DPP6: variants seen among roughly 807,000 people sequenced by gnomAD.
DPP6 encodes dipeptidyl peptidase like 6.
DPP6 carries 69 observed loss-of-function variants against 122.6 expected under a neutral mutation model. The ratio of observed to expected loss-of-function variants is 0.56; its 90% CI spans 0.46 to 0.69. The LOEUF (loss-of-function observed/expected upper bound fraction) is 0.69, where lower values mean the gene tolerates loss of function less well. Among genes scored for constraint, DPP6 ranks in the 30% least tolerant of loss-of-function variants. The probability of loss-of-function intolerance (pLI) is 0.00; values close to 1 mark genes in which losing one functional copy is unlikely to be tolerated. For missense variants in DPP6, 928 were observed against 1,116.9 expected (o/e 0.83, Z 2.41); for synonymous variants, 418 against 433.1 (o/e 0.97, Z 0.43).
intron 2 of DPP6, among the ~76,000 whole-genome samples, chr7:154,456,077 G>C (rs1820802657): frequency 6.6e-6 from 1 of 152,172 alleles, no homozygotes; most frequent in South Asian, 2.1e-4. Context: ...ACCATACCAT[G>C]TCAGGGTCAG....
At chr7:154,654,312 C>G (rs761425003) in intron 6 of DPP6, among the ~76,000 whole-genome samples, 6 of 151,808 alleles carry the variant, frequency 4.0e-5, no homozygotes, top group Non-Finnish European at 8.8e-5. Context: ...GAGAGGGAAT[C>G]TGTCACATCT....
intron 7 of DPP6, among the ~76,000 whole-genome samples, chr7:154,682,540 T>C (rs1199911983): frequency 6.6e-6 from 1 of 152,192 alleles, no homozygotes; most frequent in African/African-American, 2.4e-5. Flanking sequence ...ATTGTCTGGG[T>C]TGTTAAACGT....
In DPP6 at chr7:154,062,885, T is replaced by C. The variant is rs1180328862; in HGVS notation, c.243+9822T>C. On this transcript the variant is annotated intron_variant, in intron 1 of 25. Transcript: ENST00000377770. ...CTCCCCCAGCTTAGGACCCCCATCG[T>C]TGATCCTAAGATCCTTAGGACCCAC... Among the ~76,000 whole-genome samples, 9 of 131,956 alleles carry C rather than the reference T, an allele frequency of 6.8e-5. 1 individual carries two copies. In the East Asian group the frequency reaches 1.2e-3, roughly 17 times the overall value. The allele number at this position is 131,956 out of a possible 152,430, so 86.6% of individuals were successfully genotyped here. A position where few individuals can be genotyped will look rare whatever the true frequency, so the allele number is the denominator to read the frequency against.
At chr7:154,704,432 G>T (rs1348126446) in intron 7 of DPP6, among the ~76,000 whole-genome samples, 1 of 152,240 alleles carries the variant, frequency 6.6e-6, no homozygotes, top group Non-Finnish European at 1.5e-5. Context: ...TGAAAGGACT[G>T]ACTTCAATTT....
intron 16 of DPP6, among the ~76,000 whole-genome samples, chr7:154,829,249 G>T (rs1175727705): frequency 6.6e-6 from 1 of 151,792 alleles, no homozygotes; most frequent in Non-Finnish European, 1.5e-5. Flanking sequence ...TGGCCATGGT[G>T]TCATGCACCC....
In DPP6 at chr7:154,199,605, CT is replaced by C. The variant is rs1016653338; in HGVS notation, c.243+146554del. Among the ~76,000 whole-genome samples the C allele has an allele frequency of 4.9e-3, 716 of 145,610 alleles. 2 individuals carry two copies. The highest frequency in any genetic ancestry group is 0.015 in the African/African-American group (607 of 39,920). On this transcript the variant is annotated intron_variant, in intron 1 of 25. Transcript: ENST00000377770. ...CTCATGGCATCTATACTCTCAGCCA[CT>C]TTTTTTTTTTTCTTTTTTTTTGAGA...
chr7:154,034,710 T>C (rs1287489751), intron 1 of DPP6, among the ~76,000 whole-genome samples: 2 of 152,060 alleles, frequency 1.3e-5, no homozygotes, highest in Non-Finnish European at 2.9e-5. Context: ...TTGTTCTTGA[T>C]GATATCTGGG....
chr7:154,834,647 G>A (rs1001479763), intron 16 of DPP6, among the ~76,000 whole-genome samples: 4 of 152,240 alleles, frequency 2.6e-5, no homozygotes, highest in South Asian at 2.1e-4. Flanking sequence ...AGGGTTGCAC[G>A]GTGGTGAGCA....
At chr7:154,651,264 G>A (rs1398357017) in intron 6 of DPP6, among the ~76,000 whole-genome samples, 1 of 152,096 alleles carries the variant, frequency 6.6e-6, no homozygotes, top group African/African-American at 2.4e-5. Flanking sequence ...TTCCTATATA[G>A]TTACAGAAAC....
chr7:153,822,337 A>C, the DPP6 span, among the ~76,000 whole-genome samples: 5 of 151,830 alleles, frequency 3.3e-5, no homozygotes, highest in South Asian at 4.2e-4. Flanking sequence ...CTACAGGCGC[A>C]CGCCACCACG....
At chr7:153,900,375 T>C (rs1390169401) in intron 1 of DPP6, among the ~76,000 whole-genome samples, 1 of 152,136 alleles carries the variant, frequency 6.6e-6, no homozygotes, top group Admixed American at 6.6e-5. Context: ...GGCTGGGTAA[T>C]CTTTAAGGAA....
At chr7:154,062,320 C>T (rs1283770727) in intron 1 of DPP6, among the ~76,000 whole-genome samples, 2 of 68,308 alleles carry the variant, frequency 2.9e-5, no homozygotes, top group South Asian at 6.7e-4. Flanking sequence ...ACCCCCATCG[C>T]AGGAGGGGGA....
intron 1 of DPP6, among the ~76,000 whole-genome samples, chr7:153,987,317 T>C (rs1163389855): frequency 1.3e-5 from 2 of 152,242 alleles, no homozygotes; most frequent in African/African-American, 2.4e-5. Context: ...GGGGCTTCAA[T>C]GCAATTTGCT....
rs144048179 is a variant in DPP6, at chr7:153,944,874, T to C, written c.51+57140T>C. 3.0e-3 allele frequency among the ~76,000 whole-genome samples: 456 copies of C among 152,076 alleles called. 3 individuals are homozygous for C. The highest frequency in any genetic ancestry group is 0.01 in the African/African-American group (418 of 41,478). ...TCAAACTCCTGACCTCAGTTTCTTG[T>C]TTTTGAAAGATACTCAGGATGAGGC... On this transcript the variant is annotated intron_variant, in intron 1 of 25. Coordinates refer to the DPP6 transcript ENST00000404039.
chr7:153,786,665 G>A, the DPP6 span, among the ~76,000 whole-genome samples: 1 of 148,780 alleles, frequency 6.7e-6, no homozygotes, highest in Admixed American at 6.7e-5. Flanking sequence ...CGTGAACCCG[G>A]GAGGCGGAGC....
chr7:154,575,586 G>A (rs1275892092), intron 5 of DPP6, among the ~76,000 whole-genome samples: 54 of 129,926 alleles, frequency 4.2e-4, no homozygotes, highest in African/African-American at 1.6e-3. Context: ...GTATGTGTGA[G>A]CGGGTGTATG....
chr7:154,478,627 CAG>C (rs972220677), intron 3 of DPP6, among the ~76,000 whole-genome samples: 1 of 152,164 alleles, frequency 6.6e-6, no homozygotes, highest in African/African-American at 2.4e-5. Flanking sequence ...AACTGAGTCT[CAG>C]GGTATTGAAA....
chr7:153,969,530 T>A (rs1173184446), intron 1 of DPP6, among the ~76,000 whole-genome samples: 2 of 147,534 alleles, frequency 1.4e-5, no homozygotes, highest in Admixed American at 6.6e-5. Context: ...AATCACATCA[T>A]ATTCCCCAAA....
At chr7:154,788,057 G>T (rs1289704710) in intron 10 of DPP6, among the ~76,000 whole-genome samples, 1 of 152,130 alleles carries the variant, frequency 6.6e-6, no homozygotes, top group African/African-American at 2.4e-5. Flanking sequence ...TGGATGAACT[G>T]ATTTTAGAGA....
Sources: gnomAD v4.1 joint callset for allele counts (sites outside exome capture counted in the v4.1 genomes callset) on GRCh38, gnomAD v4.1.1 for gene constraint, MANE v1.5 for transcripts, NCBI Gene and HGNC (gene_info 2026-07-23, HGNC 2026-07-21) for gene names.